The following ACSL5 variants were observed in gnomAD, a reference collection of about 807,000 sequenced individuals.
ACSL5 encodes the protein long-chain-fatty-acid--CoA ligase 5.
ACSL5 carries 50 observed loss-of-function variants against 84.9 expected under a neutral mutation model. The ratio of observed to expected loss-of-function variants is 0.59; its 90% CI spans 0.47 to 0.75. The LOEUF (loss-of-function observed/expected upper bound fraction) is 0.75. Ranked by LOEUF, ACSL5 falls within the 30% of genes least tolerant of loss-of-function variation. ACSL5 has a pLI of 0.00. For synonymous variants in ACSL5, 280 were observed against 300.7 expected (o/e 0.93, Z 0.71); for missense variants, 775 against 830.4 (o/e 0.93, Z 0.82).
chr10:112,425,834 A>G (rs912846412), intron 18 of ACSL5, among the ~76,000 whole-genome samples: 2 of 151,640 alleles, frequency 1.3e-5, no homozygotes, highest in African/African-American at 4.8e-5. Flanking sequence ...AAACTGTTGC[A>G]ATATATATAA....
At position 112,426,872 on chromosome 10, in the gene ACSL5, A is replaced by T. The variant is rs757056829; in HGVS notation, c.1911+13A>T. The T allele has an allele frequency of 6.3e-7, 1 of 1,591,052 alleles. No homozygotes were observed. Among genetic ancestry groups the T allele is most frequent in the South Asian group, 1.1e-5 (1 of 90,540 alleles). On this transcript the variant is annotated intron_variant, in intron 20 of 20. Transcript: ENST00000354655. ...AACTTTTGAACAGGTGTGTGCTACC[A>T]CTGATGTTATACTGGCCTCTTGTCA... is the stretch of plus-strand genomic sequence containing the variant.
intron 2 of ACSL5, among the ~76,000 whole-genome samples, chr10:112,398,625 G>A (rs984355471): frequency 2.6e-5 from 4 of 151,832 alleles, no homozygotes; most frequent in Admixed American, 6.6e-5. Flanking sequence ...GGCTGGTCTC[G>A]AACTCCTGAC....
In ACSL5 at chr10:112,413,197, A is replaced by C. The variant is rs1171140389; in HGVS notation, c.973A>C (p.Arg325=). 2 of 1,614,208 alleles carry C rather than the reference A, an allele frequency of 1.2e-6. No individual in the cohort carries two copies. Among genetic ancestry groups the C allele is most frequent in the South Asian group, 2.2e-5 (2 of 91,086 alleles). The change falls in exon 12 of 21, where the codon AGA becomes CGA. Residue 325 remains arginine (R), a synonymous_variant. Transcript: ENST00000354655. ...VQAVVYSCGA[R]VGFFQGDIRL... ...GGCTGTTGTGTACAGCTGTGGAGCC[A>C]GAGTTGGATTCTTCCAAGGGGATAT...
intron 3 of ACSL5, among the ~76,000 whole-genome samples, chr10:112,402,608 T>C (rs1310877105): frequency 6.6e-6 from 1 of 152,214 alleles, no homozygotes; most frequent in African/African-American, 2.4e-5. Flanking sequence ...GTACTAATGT[T>C]TTCTGTACAC....
At chr10:112,403,154 G>T (rs971830361) in intron 3 of ACSL5, among the ~76,000 whole-genome samples, 4 of 152,088 alleles carry the variant, frequency 2.6e-5, no homozygotes, top group Non-Finnish European at 4.4e-5. Flanking sequence ...TCATACAAAT[G>T]GGCAAAGTAC....
At chr10:112,408,588 T>C in intron 6 of ACSL5, 67 bp downstream of exon 6, 2 of 1,159,470 alleles carry the variant, frequency 1.7e-6, no homozygotes, top group Non-Finnish European at 2.6e-6. Flanking sequence ...CAATTTCTGC[T>C]TTTTTGTTTA....
At chr10:112,397,669 C>T (rs1843778195) in intron 2 of ACSL5, among the ~76,000 whole-genome samples, 1 of 152,220 alleles carries the variant, frequency 6.6e-6, no homozygotes, top group Non-Finnish European at 1.5e-5. Context: ...CATTTCTTCT[C>T]TGTAATCTTT....
intron 5 of ACSL5, among the ~76,000 whole-genome samples, chr10:112,407,467 C>T (rs1369670801): frequency 6.6e-6 from 1 of 152,110 alleles, no homozygotes; most frequent in Non-Finnish European, 1.5e-5. Flanking sequence ...CGTGATCTTC[C>T]CATCTCAGCC....
rs748501946 is a variant in ACSL5, at chr10:112,425,404, G to A, written c.1660G>A (p.Ala554Thr). The A allele has an allele frequency of 3.3e-5, 54 of 1,613,266 alleles. No homozygotes were observed. Among genetic ancestry groups the A allele is most frequent in the Non-Finnish European group, 3.9e-5 (46 of 1,179,664 alleles). The change falls in exon 18 of 21, where the codon GCA becomes ACA. Residue 554 changes from alanine (A) to threonine (T), a missense_variant. By Grantham distance (58) the Ala-to-Thr change is moderately conservative. Coordinates refer to ENST00000354655, the MANE Select transcript of ACSL5 (RefSeq NM_203379.2). Reference protein sequence around the residue: ...IFKLAQGEYIAPEKIENIYNR... With the variant: ...IFKLAQGEYITPEKIENIYNR... ...CAAGCTGGCCCAAGGAGAATACATT[G>A]CACCAGAGAAGATAGAAAATATCTA...
intron 2 of ACSL5, among the ~76,000 whole-genome samples, chr10:112,397,169 CT>C (rs141789967): frequency 3.1e-3 from 429 of 139,824 alleles, no homozygotes; most frequent in Middle Eastern, 7.1e-3. Flanking sequence ...CTCCCTTTTT[CT>C]TTTTTTTTTT....
chr10:112,392,883 C>T (rs1843673776), intron 1 of ACSL5, among the ~76,000 whole-genome samples: 1 of 152,114 alleles, frequency 6.6e-6, no homozygotes, highest in African/African-American at 2.4e-5. Context: ...CCACTGCACT[C>T]CAGCCTGGGC....
At chr10:112,390,899 C>T (rs374847662) in intron 1 of ACSL5, among the ~76,000 whole-genome samples, 2 of 152,142 alleles carry the variant, frequency 1.3e-5, no homozygotes, top group East Asian at 3.8e-4. Context: ...AATCCTTTCT[C>T]TAGAGGCTGG....
At chr10:112,415,567 G>C (rs1199411450) in intron 12 of ACSL5, among the ~76,000 whole-genome samples, 1 of 152,240 alleles carries the variant, frequency 6.6e-6, no homozygotes, top group East Asian at 1.9e-4. Flanking sequence ...GAGATTCTAA[G>C]AATGGCATGA....
At chr10:112,376,546 G>T (rs552569936) in intron 1 of ACSL5, 3 of 1,539,916 alleles carry the variant, frequency 1.9e-6, no homozygotes, top group Admixed American at 3.7e-5. Flanking sequence ...TTCTTTAAGC[G>T]ACTTAGAATC....
intron 14 of ACSL5, among the ~76,000 whole-genome samples, chr10:112,420,592 C>T (rs908877713): frequency 6.6e-6 from 1 of 152,220 alleles, no homozygotes; most frequent in African/African-American, 2.4e-5. Context: ...TACTCCCCTT[C>T]TTCAGTTCCT....
At chr10:112,421,799 A>G in intron 15 of ACSL5, 134 bp downstream of exon 15, 3 of 1,288,208 alleles carry the variant, frequency 2.3e-6, no homozygotes, top group Non-Finnish European at 3.3e-6. Flanking sequence ...TTTTGGGTCC[A>G]GGCCTGCCTA....
intron 1 of ACSL5, among the ~76,000 whole-genome samples, chr10:112,386,133 T>C (rs1236060146): frequency 6.6e-6 from 1 of 151,766 alleles, no homozygotes; most frequent in Non-Finnish European, 1.5e-5. Context: ...AGGATGATTT[T>C]ATTAAATAGG....
rs1296938867 is a variant in ACSL5, at chr10:112,421,994, G to A, written c.1435G>A (p.Val479Met). The stretch of plus-strand genomic sequence containing the variant: ...TTGCAATTACGTGAAGCTGGAAGAT[G>A]TGGCTGACATGAACTACTTTACAGT... ...LACNYVKLED[V>M]ADMNYFTVNN... The change falls in exon 16 of 21, where the codon GTG (valine) becomes ATG (methionine). Residue 479 changes from valine (V) to methionine (M), a missense_variant. Val to Met is a conservative substitution (Grantham distance 21, BLOSUM62 1). Transcript: ENST00000354655. The A allele has an allele frequency of 6.2e-7, 1 of 1,614,246 alleles. No individual in the cohort carries two copies. Among genetic ancestry groups the A allele is most frequent in the Non-Finnish European group, 8.5e-7 (1 of 1,180,048 alleles).
At chr10:112,412,739 T>C (rs1844210336) in intron 11 of ACSL5, 1 of 153,658 alleles carries the variant, frequency 6.5e-6, no homozygotes, top group Admixed American at 6.5e-5. Context: ...TCTTAAAAAA[T>C]ATTTTAACAT....
Sources: gnomAD v4.1 joint callset for allele counts (sites outside exome capture counted in the v4.1 genomes callset) on GRCh38, gnomAD v4.1.1 for gene constraint, MANE v1.5 for transcripts, NCBI Gene and HGNC (gene_info 2026-07-23, HGNC 2026-07-21) for gene names.